Variants in COBLL1 observed in about 807,000 individuals in gnomAD.
COBLL1 encodes cordon-bleu protein-like 1.
Under a neutral mutation model 94.8 loss-of-function variants are expected in COBLL1, and 50 were observed. The ratio of observed to expected loss-of-function variants is 0.53; its 90% CI spans 0.42 to 0.67. The LOEUF (loss-of-function observed/expected upper bound fraction) is 0.67, where lower values mean the gene tolerates loss of function less well. COBLL1 is among the 30% of genes least tolerant of loss of function. The probability of loss-of-function intolerance (pLI) is 0.00; values close to 1 mark genes in which losing one functional copy is unlikely to be tolerated. For synonymous variants in COBLL1, 448 were observed against 473.8 expected, an observed-to-expected ratio of 0.95 and a Z score of 0.71; for missense variants, 1,362 against 1,348.7, an observed-to-expected ratio of 1.01 and a Z score of -0.15.
chr2:164,777,376 G>C (rs1458416670), intron 2 of COBLL1, among the ~76,000 whole-genome samples: 3 of 151,584 alleles, frequency 2.0e-5, no homozygotes, highest in South Asian at 2.1e-4. Flanking sequence ...GTTAAAGACA[G>C]ACAGAATGAT....
intron 2 of COBLL1, among the ~76,000 whole-genome samples, chr2:164,789,235 CATACACCCT>C (rs1333157987): frequency 6.6e-6 from 1 of 152,012 alleles, no homozygotes; most frequent in Non-Finnish European, 1.5e-5. Context: ...TTAGATTGGT[CATACACCCT>C]ATTTTAATAG....
chr2:164,806,919 T>G (rs1162451329), intron 2 of COBLL1, among the ~76,000 whole-genome samples: 1 of 152,090 alleles, frequency 6.6e-6, no homozygotes, highest in Non-Finnish European at 1.5e-5. Context: ...TTGCCTAGGC[T>G]GGTCTCAAAT....
chr2:164,830,442 C>A (rs1683025040), intron 2 of COBLL1, among the ~76,000 whole-genome samples: 1 of 152,090 alleles, frequency 6.6e-6, no homozygotes, highest in African/African-American at 2.4e-5. Flanking sequence ...CATGCATAAC[C>A]TTAGTGTACT....
intron 2 of COBLL1, among the ~76,000 whole-genome samples, chr2:164,781,268 T>C (rs1688712025): frequency 1.3e-5 from 2 of 152,192 alleles, no homozygotes; most frequent in African/African-American, 4.8e-5. Flanking sequence ...CTCATATCCA[T>C]ATGACAAAAA....
At chr2:164,818,525 CA>C (rs1684966421) in intron 2 of COBLL1, among the ~76,000 whole-genome samples, 1 of 144,050 alleles carries the variant, frequency 6.9e-6, no homozygotes, top group Non-Finnish European at 1.5e-5. Context: ...TACTTATATA[CA>C]ATATACATAT....
intron 2 of COBLL1, among the ~76,000 whole-genome samples, chr2:164,795,336 C>A (rs1264308995): frequency 2.0e-5 from 3 of 151,944 alleles, no homozygotes; most frequent in Admixed American, 6.6e-5. Flanking sequence ...AAAATAATAC[C>A]TTTTTACTTT....
chr2:164,776,834 T>C (rs1446986804), intron 2 of COBLL1, among the ~76,000 whole-genome samples: 2 of 152,050 alleles, frequency 1.3e-5, no homozygotes, highest in Non-Finnish European at 2.9e-5. Flanking sequence ...ATGATTAACA[T>C]ATATAAAAAG....
chr2:164,766,874 AC>A (rs1311321835), intron 2 of COBLL1, among the ~76,000 whole-genome samples: 2 of 152,200 alleles, frequency 1.3e-5, no homozygotes, highest in Non-Finnish European at 2.9e-5. Context: ...TACACAAAAC[AC>A]AGCCTTGGAC....
intron 2 of COBLL1, among the ~76,000 whole-genome samples, chr2:164,784,545 C>T (rs1688860083): frequency 6.6e-6 from 1 of 152,024 alleles, no homozygotes; most frequent in Non-Finnish European, 1.5e-5. Flanking sequence ...ACCCATTGTC[C>T]ACAGCACTGT....
chr2:164,704,009 C>A (rs1684453461), intron 9 of COBLL1, among the ~76,000 whole-genome samples: 1 of 152,108 alleles, frequency 6.6e-6, no homozygotes. Flanking sequence ...AGATTTTTAC[C>A]ATTAGAGTAG....
At position 164,727,996 on chromosome 2, in the gene COBLL1, C is replaced by A. The variant is rs1281934880; in HGVS notation, c.634G>T (p.Glu212Ter). ...CTGTTGACATCCATCGCATATAATT[C>A]TCTTAGTCCCAGGTCATTAAGAGAT... ...TKSLNDLGLRELYAMDVNRES... is the reference protein window; with the variant it reads ...TKSLNDLGLR Residue 212 changes from glutamate (E) to a stop codon, truncating the protein, a stop_gained, in exon 5 of 14, where the codon GAA (glutamate) becomes TAA (stop). Transcript: ENST00000652658. LOFTEE classifies it high-confidence loss of function. 2.9e-5 allele frequency: 47 copies of A among 1,611,776 alleles called. No homozygotes were observed. Among genetic ancestry groups the A allele is most frequent in the Non-Finnish European group, 3.9e-5 (46 of 1,178,070 alleles).
intron 3 of COBLL1, among the ~76,000 whole-genome samples, chr2:164,734,623 T>A (rs1273381585): frequency 6.6e-6 from 1 of 152,164 alleles, no homozygotes; most frequent in Admixed American, 6.6e-5. Flanking sequence ...GGTGGTGTCC[T>A]GGACTACTCA....
intron 2 of COBLL1, among the ~76,000 whole-genome samples, chr2:164,660,124 C>T (rs1574381989): frequency 6.6e-6 from 1 of 152,196 alleles, no homozygotes; most frequent in East Asian, 1.9e-4. Context: ...GGATGCAAGC[C>T]TTTGAGATTA....
chr2:164,746,121 T>A (rs973352798), intron 2 of COBLL1, among the ~76,000 whole-genome samples: 1 of 152,180 alleles, frequency 6.6e-6, no homozygotes, highest in Admixed American at 6.5e-5. Context: ...CTTGTTCTCA[T>A]AAACATACAT....
At chr2:164,774,138 C>T (rs1366340374) in intron 2 of COBLL1, among the ~76,000 whole-genome samples, 1 of 151,822 alleles carries the variant, frequency 6.6e-6, no homozygotes, top group Non-Finnish European at 1.5e-5. Context: ...TTTTTAAAGC[C>T]TTAAAATTAC....
In COBLL1 at chr2:164,805,339, A is replaced by T. The variant is rs12470601; in HGVS notation, c.41+35817T>A. ...TCTCTCTCTCTCTCTCTCTCTCTCT[A>T]TATATATATATATATATATATATAA... is the stretch of plus-strand genomic sequence containing the variant. On this transcript the variant is annotated intron_variant, in intron 2 of 13. Transcript: ENST00000652658. 1.2e-3 allele frequency among the ~76,000 whole-genome samples: 64 copies of T among 54,370 alleles called. 3 individuals carry two copies. Among genetic ancestry groups the T allele is most frequent in the Non-Finnish European group, 2.0e-3 (49 of 24,664 alleles). 35.7% of individuals were successfully genotyped at this position (54,370 alleles called of 152,430 possible).
intron 2 of COBLL1, among the ~76,000 whole-genome samples, chr2:164,797,123 T>C (rs1683502711): frequency 6.6e-6 from 1 of 152,130 alleles, no homozygotes; most frequent in Non-Finnish European, 1.5e-5. Flanking sequence ...GAAAATGAAG[T>C]ATTATTTCTG....
intron 3 of COBLL1, among the ~76,000 whole-genome samples, chr2:164,730,606 C>T (rs887350279): frequency 6.6e-6 from 1 of 152,004 alleles, no homozygotes; most frequent in Non-Finnish European, 1.5e-5. Context: ...TTAAAAAGTC[C>T]TGGGATAGTC....
intron 2 of COBLL1, among the ~76,000 whole-genome samples, chr2:164,788,301 G>C (rs1486696823): frequency 6.6e-6 from 1 of 152,146 alleles, no homozygotes; most frequent in Non-Finnish European, 1.5e-5. Flanking sequence ...AAGAAAGACT[G>C]ATGTGCAGAT....
Sources: gnomAD v4.1 joint callset for allele counts (sites outside exome capture counted in the v4.1 genomes callset) on GRCh38, gnomAD v4.1.1 for gene constraint, MANE v1.5 for transcripts, NCBI Gene and HGNC (gene_info 2026-07-23, HGNC 2026-07-21) for gene names.